VSIG1: variants seen among roughly 807,000 people sequenced by gnomAD.
VSIG1 encodes the protein V-set and immunoglobulin domain-containing protein 1.
A neutral mutation model predicts 20.1 loss-of-function variants in VSIG1; 11 were observed. That is an observed-to-expected ratio of 0.55 (90% CI 0.34 to 0.91). The LOEUF is 0.91. Among genes scored for constraint, VSIG1 ranks in the 40% least tolerant of loss-of-function variants. The probability of loss-of-function intolerance (pLI) is 0.02; values close to 1 mark genes in which losing one functional copy is unlikely to be tolerated. For missense variants in VSIG1, 283 were observed against 298.8 expected (o/e 0.95, Z 0.39); for synonymous variants, 126 against 116.7 (o/e 1.08, Z -0.52).
At chrX:108,041,553 C>CGTGTGTGT (rs371173365), upstream of VSIG1, among the ~76,000 whole-genome samples, 148 of 99,964 alleles carry the variant, frequency 1.5e-3, no homozygotes, top group African/African-American at 3.7e-3. Flanking sequence ...TAAAAAACCT[C>CGTGTGTGT]GTGTGTGTGT....
At chrX:108,068,372 G>T (rs1236589435) in intron 3 of VSIG1, among the ~76,000 whole-genome samples, 1 of 112,071 alleles carries the variant, frequency 8.9e-6, no homozygotes, top group Non-Finnish European at 1.9e-5. Flanking sequence ...TGGAAGACTA[G>T]TGTATTAGTC....
chrX:108,067,372 T>C (rs1336547990), intron 3 of VSIG1, among the ~76,000 whole-genome samples: 2 of 111,440 alleles, frequency 1.8e-5, no homozygotes, highest in African/African-American at 6.5e-5. Context: ...CAGCAGTAGA[T>C]GACCCAACCT....
the VSIG1 span, among the ~76,000 whole-genome samples, chrX:108,020,161 T>C: frequency 8.9e-6 from 1 of 112,197 alleles, no homozygotes; most frequent in Admixed American, 9.4e-5. Context: ...CCTCACCAGG[T>C]GGTAATTTTC....
At chrX:108,055,414 C>T (rs955004520) in intron 1 of VSIG1, among the ~76,000 whole-genome samples, 6 of 111,787 alleles carry the variant, frequency 5.4e-5, no homozygotes. Flanking sequence ...TACACATTCT[C>T]TTCCAAAAAA....
intron 1 of VSIG1, among the ~76,000 whole-genome samples, chrX:108,047,845 C>CAT (rs376971631): frequency 3.7e-5 from 1 of 27,094 alleles, no homozygotes; most frequent in Admixed American, 3.6e-4. Context: ...TATATATATA[C>CAT]ATATATATAT....
At chrX:108,030,157 T>C in the VSIG1 span, among the ~76,000 whole-genome samples, 1 of 111,741 alleles carries the variant, frequency 8.9e-6, no homozygotes, top group Non-Finnish European at 1.9e-5. Flanking sequence ...CTTGAGGTCA[T>C]ACCACTTAGC....
rs187355053 is a variant in VSIG1 at position 108,065,898 on chromosome X, G to A, written c.214-1038G>A. Among the ~76,000 whole-genome samples, 86 of 111,743 alleles carry A rather than the reference G, an allele frequency of 7.7e-4. 3 individuals carry two copies. In the East Asian group the frequency reaches 0.023, roughly 29 times the overall value. ...CTCTTTTCTCATTCAGATGTGGAAA[G>A]TAAAGGTTGGAGAGATTAAATAACT... On this transcript the variant is annotated intron_variant, in intron 2 of 6. Coordinates refer to ENST00000217957, the MANE Select transcript of VSIG1 (RefSeq NM_182607.5).
chrX:108,077,318 G>T lies in VSIG1; in HGVS notation c.1101G>T (p.Glu367Asp). ...ELEPEPEPEPESEPGVVVEPL... is the reference protein window; with the variant it reads ...ELEPEPEPEPDSEPGVVVEPL... ...AGCCAGAGCCAGAGCCAGAGCCAGA[G>T]TCAGAGCCTGGGGTTGTAGTTGAGC... The change falls in exon 7 of 7, where the codon GAG becomes GAT. Residue 367 changes from glutamate to aspartate, a missense_variant. Glu to Asp is a conservative substitution (Grantham distance 45). Transcript: ENST00000217957. The T allele has an allele frequency of 3.3e-6, 4 of 1,212,197 alleles. No individual in the cohort carries two copies. The South Asian group carries it at 7.0e-5, about 21-fold the overall frequency.
At chrX:108,022,815 A>C in the VSIG1 span, among the ~76,000 whole-genome samples, 4 of 111,584 alleles carry the variant, frequency 3.6e-5, no homozygotes, top group Admixed American at 9.5e-5. Flanking sequence ...AATGGCTTGG[A>C]GCCCTCCGTG....
the VSIG1 span, among the ~76,000 whole-genome samples, chrX:108,032,353 T>G: frequency 8.9e-6 from 1 of 112,378 alleles, no homozygotes; most frequent in Non-Finnish European, 1.9e-5. Flanking sequence ...CATCCATTTA[T>G]TCAGTAAATA....
the VSIG1 span, among the ~76,000 whole-genome samples, chrX:108,029,227 T>G: frequency 2.7e-5 from 3 of 112,333 alleles, no homozygotes; most frequent in South Asian, 1.1e-3. Flanking sequence ...TTGCTAAATC[T>G]AACAACTCTA....
the VSIG1 span, among the ~76,000 whole-genome samples, chrX:108,032,968 C>G: frequency 9.0e-6 from 1 of 111,452 alleles, no homozygotes; most frequent in African/African-American, 3.3e-5. Flanking sequence ...AGATGCTTTC[C>G]TTAGTTCTCT....
Position 108,072,848 on chromosome X carries a change from A to G in VSIG1, c.568+16A>G, listed in dbSNP as rs373823244. The G allele has an allele frequency of 1.4e-5, 17 of 1,205,346 alleles. No individual in the cohort carries two copies. Among genetic ancestry groups the G allele is most frequent in the South Asian group, 1.8e-5 (1 of 56,297 alleles). ...GAAAACTTCAGTAAGTGTAACCTGC[A>G]GTAGACCCTGGAAAGGCCTGGTGTC... On this transcript the variant is annotated intron_variant, in intron 4 of 6. Transcript: ENST00000217957.
intron 3 of VSIG1, among the ~76,000 whole-genome samples, chrX:108,070,470 CA>C (rs941584004): frequency 4.5e-5 from 5 of 111,124 alleles, no homozygotes; most frequent in African/African-American, 1.6e-4. Flanking sequence ...ATATTCTAAG[CA>C]AAAAAAATGC....
At chrX:108,059,532 G>A (rs1486831668) in intron 2 of VSIG1, among the ~76,000 whole-genome samples, 1 of 111,944 alleles carries the variant, frequency 8.9e-6, no homozygotes, top group African/African-American at 3.3e-5. Context: ...TAATGCATGT[G>A]AAAAATATAA....
At chrX:108,046,165 T>A (rs1025376588) in intron 1 of VSIG1, among the ~76,000 whole-genome samples, 12 of 112,059 alleles carry the variant, frequency 1.1e-4, no homozygotes, top group Non-Finnish European at 5.6e-5. Context: ...AACATTATGC[T>A]ATTTTTATAA....
At chrX:108,024,293 T>C in the VSIG1 span, among the ~76,000 whole-genome samples, 1 of 111,526 alleles carries the variant, frequency 9.0e-6, no homozygotes, top group South Asian at 3.7e-4. Context: ...TCAGTAGTAA[T>C]GTCCTGAGTC....
chrX:108,025,724 A>G, the VSIG1 span, among the ~76,000 whole-genome samples: 322 of 112,972 alleles, frequency 2.9e-3, 12 homozygotes, highest in Middle Eastern at 0.032. Flanking sequence ...GGCACTTTAC[A>G]TTCTTCCTGA....
the VSIG1 span, among the ~76,000 whole-genome samples, chrX:108,031,881 A>G: frequency 8.9e-6 from 1 of 112,182 alleles, no homozygotes; most frequent in Admixed American, 9.4e-5. Context: ...CTGGATACTT[A>G]TAACAGCAGG....
Sources: gnomAD v4.1 joint callset for allele counts (sites outside exome capture counted in the v4.1 genomes callset) on GRCh38, gnomAD v4.1.1 for gene constraint, MANE v1.5 for transcripts, NCBI Gene and HGNC (gene_info 2026-07-23, HGNC 2026-07-21) for gene names.